Variants in PPP4R4 observed in about 807,000 individuals in gnomAD.
The protein encoded by PPP4R4 is protein phosphatase 4 regulatory subunit 4, also known as serine/threonine-protein phosphatase 4 regulatory subunit 4.
Under a neutral mutation model 121.8 loss-of-function variants are expected in PPP4R4, and 70 were observed. The observed-to-expected ratio is 0.57, with a 90% CI of 0.47 to 0.70. The LOEUF is 0.70. PPP4R4 is among the 30% of genes least tolerant of loss of function. PPP4R4 has a pLI of 0.00. For synonymous variants in PPP4R4, 348 were observed against 355.7 expected, an observed-to-expected ratio of 0.98 and a Z score of 0.24; for missense variants, 875 against 1,033.6, an observed-to-expected ratio of 0.85 and a Z score of 2.10.
rs768173076 is a variant in PPP4R4 at position 94,208,554 on chromosome 14, G to A, written c.282G>A (p.Leu94=). Residue 94 remains leucine, a synonymous_variant, in exon 3 of 25, where the codon TTG becomes TTA. Coordinates refer to ENST00000304338, the MANE Select transcript of PPP4R4 (RefSeq NM_058237.2). The part of the protein sequence containing the change: ...QNPTETLRRV[L]PKVREALHVA... ...CCACTGAGACGCTTCGGAGAGTGTT[G>A]CCAAAAGTCAGAGTAAGTTGGTATG... is the stretch of plus-strand genomic sequence containing the variant. The A allele has an allele frequency of 2.5e-6, 4 of 1,606,178 alleles. No homozygotes were observed. The East Asian group carries it at 8.9e-5, about 36-fold the overall frequency.
At chr14:94,203,523 A>G (rs1890303902) in intron 2 of PPP4R4, among the ~76,000 whole-genome samples, 2 of 152,150 alleles carry the variant, frequency 1.3e-5, no homozygotes, top group South Asian at 4.1e-4. Flanking sequence ...ATAAACATTC[A>G]TCCACAAGTT....
chr14:94,174,823 G>C (rs114330606), intron 1 of PPP4R4, among the ~76,000 whole-genome samples: 20 of 151,944 alleles, frequency 1.3e-4, no homozygotes, highest in South Asian at 2.1e-4. Flanking sequence ...CCCAAGGGAC[G>C]GGTCCCTGCC....
At chr14:94,175,167 C>T (rs1888610234) in intron 1 of PPP4R4, among the ~76,000 whole-genome samples, 1 of 151,538 alleles carries the variant, frequency 6.6e-6, no homozygotes, top group Admixed American at 6.6e-5. Context: ...CCCTCACCCC[C>T]AGCCCAAGTC....
intron 2 of PPP4R4, among the ~76,000 whole-genome samples, chr14:94,200,560 A>G (rs909483698): frequency 6.6e-6 from 1 of 152,176 alleles, no homozygotes; most frequent in African/African-American, 2.4e-5. Flanking sequence ...GGTTTAATCT[A>G]GGAGGGTTGT....
At chr14:94,272,630 C>T (rs990698553) in intron 23 of PPP4R4, among the ~76,000 whole-genome samples, 2 of 152,048 alleles carry the variant, frequency 1.3e-5, no homozygotes, top group Non-Finnish European at 2.9e-5. Flanking sequence ...AAGGCGCAAT[C>T]TATGAAATAA....
intron 3 of PPP4R4, among the ~76,000 whole-genome samples, chr14:94,223,183 G>C (rs183993341): frequency 2.0e-4 from 30 of 151,892 alleles, no homozygotes; most frequent in Admixed American, 1.8e-3. Flanking sequence ...AGCTCCTTTT[G>C]GCATGTTTAT....
chr14:94,275,777 A>G (rs901578042), intron 24 of PPP4R4, among the ~76,000 whole-genome samples: 4 of 151,982 alleles, frequency 2.6e-5, no homozygotes, highest in South Asian at 4.2e-4. Context: ...TCTGAAATCT[A>G]TTTTTTTTCT....
intron 5 of PPP4R4, among the ~76,000 whole-genome samples, chr14:94,232,549 A>G (rs1330502980): frequency 1.3e-5 from 2 of 152,250 alleles, no homozygotes; most frequent in South Asian, 4.1e-4. Context: ...CTAGAATACC[A>G]TATTATTTAA....
At chr14:94,247,864 T>G (rs879941010) in intron 14 of PPP4R4, among the ~76,000 whole-genome samples, 1 of 152,174 alleles carries the variant, frequency 6.6e-6, no homozygotes, top group Admixed American at 6.5e-5. Flanking sequence ...GTCCAGTGTC[T>G]CTTTGTGTTA....
At chr14:94,211,723 G>A (rs1890750810) in intron 3 of PPP4R4, among the ~76,000 whole-genome samples, 1 of 152,108 alleles carries the variant, frequency 6.6e-6, no homozygotes, top group Non-Finnish European at 1.5e-5. Context: ...GGATAGTTAG[G>A]AAGCTTCAGT....
intron 2 of PPP4R4, among the ~76,000 whole-genome samples, chr14:94,187,912 G>A (rs1229970475): frequency 6.6e-6 from 1 of 152,110 alleles, no homozygotes; most frequent in African/African-American, 2.4e-5. Flanking sequence ...GGGGGTTCAT[G>A]CTATCACCGT....
intron 3 of PPP4R4, among the ~76,000 whole-genome samples, chr14:94,219,836 C>G (rs1891288957): frequency 2.6e-5 from 4 of 152,112 alleles, no homozygotes; most frequent in Admixed American, 6.5e-5. Context: ...ATGACACACA[C>G]CTGTAATCCC....
In PPP4R4 at chr14:94,235,645, T is replaced by C. The variant is rs943110641; in HGVS notation, c.731+976T>C. Among the ~76,000 whole-genome samples, 4 of 151,714 alleles carry C rather than the reference T, an allele frequency of 2.6e-5. No individual in the cohort carries two copies. In the East Asian group the frequency reaches 5.9e-4, roughly 22 times the overall value. ...CGATCTCCTGACCTCGTGATCCGCC[T>C]GCCTCGGCCTCCCAAAGTGCTGGGA... On this transcript the variant is annotated intron_variant, in intron 7 of 24. Transcript: ENST00000304338.
chr14:94,253,260 G>C (rs1375400709), intron 16 of PPP4R4, among the ~76,000 whole-genome samples: 1 of 152,142 alleles, frequency 6.6e-6, no homozygotes, highest in African/African-American at 2.4e-5. Context: ...AGGAGTTTGA[G>C]ACCAGCCTGG....
intron 2 of PPP4R4, among the ~76,000 whole-genome samples, chr14:94,187,540 A>G (rs894355784): frequency 4.6e-5 from 7 of 152,170 alleles, no homozygotes; most frequent in Admixed American, 4.6e-4. Flanking sequence ...ATACATAATC[A>G]TGGTACATCT....
rs777193854 is a variant in PPP4R4 at position 94,251,825 on chromosome 14, A to G, written c.1794A>G (p.Ser598=). 6.3e-7 allele frequency: 1 copy of G among 1,599,332 alleles called. No individual in the cohort carries two copies. Among genetic ancestry groups the G allele is most frequent in the Non-Finnish European group, 8.5e-7 (1 of 1,170,262 alleles). Residue 598 remains serine, a synonymous_variant, in exon 16 of 25, where the codon TCA becomes TCG. Transcript: ENST00000304338. The part of the protein sequence containing the change: ...DTCEFIIEIF[S]KSFFCKYFFL... The stretch of plus-strand genomic sequence containing the variant: ...GTGAATTTATTATAGAGATATTTTC[A>G]AAATCATTTTTCTGTAAATATTTCT...
At chr14:94,273,697 A>G (rs1213395341) in intron 23 of PPP4R4, among the ~76,000 whole-genome samples, 1 of 152,124 alleles carries the variant, frequency 6.6e-6, no homozygotes, top group Non-Finnish European at 1.5e-5. Flanking sequence ...GAGGCTGTAT[A>G]TGAATGGGAA....
intron 19 of PPP4R4, 73 bp downstream of exon 19, chr14:94,259,442 C>T: frequency 1.4e-6 from 2 of 1,382,084 alleles, no homozygotes; most frequent in Non-Finnish European, 1.9e-6. Context: ...TAAACTTAAT[C>T]ATTTCTTTCC....
intron 2 of PPP4R4, among the ~76,000 whole-genome samples, chr14:94,193,086 T>G (rs1889687447): frequency 6.6e-6 from 1 of 152,204 alleles, no homozygotes; most frequent in Non-Finnish European, 1.5e-5. Context: ...AATTTCTGGT[T>G]CCTTTCTTGA....
Sources: allele counts gnomAD v4.1 joint callset (sites outside exome capture counted in the v4.1 genomes callset), GRCh38; gene constraint gnomAD v4.1.1; transcripts MANE v1.5; gene names NCBI Gene and HGNC (gene_info 2026-07-23, HGNC 2026-07-21).